Variants in CD52 observed in about 807,000 individuals in gnomAD.
CD52 encodes the protein CD52 molecule.
In CD52, 2 loss-of-function variants were observed where a neutral mutation model predicts 2.5. The observed-to-expected ratio is 0.79, with a 90% CI of 0.32 to 2.48. The LOEUF is 2.48. Among genes scored for constraint, CD52 ranks in the 30% most tolerant of loss-of-function variants. CD52 has a pLI of 0.11. For missense variants in CD52, 62 were observed against 75.8 expected (o/e 0.82, Z 0.68); for synonymous variants, 24 against 27.7 (o/e 0.87, Z 0.42).
At position 26,318,074 on chromosome 1, in the gene CD52, A is replaced by G. The variant is rs1357675521; in HGVS notation, c.54+3A>G. The G allele has an allele frequency of 6.2e-7, 1 of 1,613,894 alleles. No homozygotes were observed. ...TCAGCCTCCTGGTTATGGTACAGGT[A>G]AGAGCAACGCCTGGCACCACTGCCA... On this transcript the variant is annotated splice_donor_region_variant and intron_variant, in intron 1 of 1. Transcript: ENST00000374213.
chr1:26,318,623 G>A (rs2124684810), intron 1 of CD52: 1 of 153,214 alleles, frequency 6.5e-6, no homozygotes, highest in South Asian at 2.0e-4. Flanking sequence ...CCAGGAGGCA[G>A]CTTTGGTAGC....
At chr1:26,318,138 C>G (rs2073817589) in intron 1 of CD52, 67 bp downstream of exon 1, 4 of 1,345,104 alleles carry the variant, frequency 3.0e-6, no homozygotes, top group Non-Finnish European at 4.3e-6. Flanking sequence ...GGAGGGCATA[C>G]AGGATGTGAG....
chr1:26,319,711 G>A (rs1038699779), intron 1 of CD52, among the ~76,000 whole-genome samples: 1 of 152,092 alleles, frequency 6.6e-6, no homozygotes, highest in Non-Finnish European at 1.5e-5. Flanking sequence ...AGGACCTTGT[G>A]GAAGAAGTAG....
rs1228140935 is a variant in CD52 at position 26,320,445 on chromosome 1, C to G, written c.*143C>G. The G allele has an allele frequency of 9.2e-7, 1 of 1,089,324 alleles. No homozygotes were observed. The allele number at this position is 1,089,324 out of a possible 1,614,324, so 67.5% of individuals were successfully genotyped here. ...TTGACAGGCAGTGCCATGGGGGCAA[C>G]AGCCAAAATAGGGGGGTAATGATGT... On this transcript the variant is annotated 3_prime_UTR_variant, in exon 2 of 2. Transcript: ENST00000374213.
rs1008898586 is a variant in CD52, at chr1:26,320,491, C to G, written c.*189C>G. 1.5e-6 allele frequency: 1 copy of G among 656,136 alleles called. No individual in the cohort carries two copies. The highest frequency in any genetic ancestry group is 2.5e-6 in the Non-Finnish European group (1 of 402,792). The allele number at this position is 656,136 out of a possible 1,614,324, so 40.6% of individuals were successfully genotyped here. A position where few individuals can be genotyped will look rare whatever the true frequency, so the allele number is the denominator to read the frequency against. ...GATGTAGGGGCCAAGCAGTGCCCAGCTGGGGGTCAATAAAGTTACCCTTGT... is the reference window on the plus strand; with the variant it reads ...GATGTAGGGGCCAAGCAGTGCCCAGGTGGGGGTCAATAAAGTTACCCTTGT... On this transcript the variant is annotated 3_prime_UTR_variant, in exon 2 of 2. Transcript: ENST00000374213.
In CD52 at chr1:26,320,455, A is replaced by AG. The variant is rs1570157016; in HGVS notation, c.*159dup. On this transcript the variant is annotated 3_prime_UTR_variant, in exon 2 of 2. Coordinates refer to ENST00000374213, the MANE Select transcript of CD52 (RefSeq NM_001803.3). Reference sequence around the variant, plus strand: ...GTGCCATGGGGGCAACAGCCAAAATAGGGGGGTAATGATGTAGGGGCCAAG... The same window carrying AG: ...GTGCCATGGGGGCAACAGCCAAAATAGGGGGGGTAATGATGTAGGGGCCAAG... 1.0e-6 allele frequency: 1 copy of AG among 966,678 alleles called. No individual in the cohort carries two copies. The highest frequency in any genetic ancestry group is 2.6e-5 in the Admixed American group (1 of 37,770). The allele number at this position is 966,678 out of a possible 1,614,324, so 59.9% of individuals were successfully genotyped here.
At chr1:26,319,188 C>A (rs1030231644) in intron 1 of CD52, among the ~76,000 whole-genome samples, 3 of 152,060 alleles carry the variant, frequency 2.0e-5, no homozygotes, top group African/African-American at 7.2e-5. Context: ...CGCGCTGGCT[C>A]GCGTCTGTAA....
chr1:26,319,555 G>A (rs2073831832), intron 1 of CD52, among the ~76,000 whole-genome samples: 1 of 151,902 alleles, frequency 6.6e-6, no homozygotes, highest in Non-Finnish European at 1.5e-5. Flanking sequence ...AGTGACCCGA[G>A]ATCATGCCAC....
At chr1:26,318,434 T>C (rs1199781902) in intron 1 of CD52, 5 of 208,746 alleles carry the variant, frequency 2.4e-5, no homozygotes, top group Admixed American at 2.1e-4. Flanking sequence ...TCTGGGGAGA[T>C]GGTCCTTTGG....
intron 1 of CD52, among the ~76,000 whole-genome samples, chr1:26,319,175 G>A (rs11247910): frequency 0.16 from 24,346 of 151,996 alleles, 2,038 homozygotes; most frequent in Middle Eastern, 0.21. Flanking sequence ...TGGGCGAGCC[G>A]GGCGCGCTGG....
Position 26,320,457 on chromosome 1 carries a change from G to C in CD52, c.*155G>C. The C allele has an allele frequency of 1.0e-6, 1 of 954,864 alleles. No individual in the cohort carries two copies. The highest frequency in any genetic ancestry group is 2.5e-5 in the East Asian group (1 of 39,398). 59.1% of individuals were successfully genotyped at this position (954,864 alleles called of 1,614,324 possible). The stretch of plus-strand genomic sequence containing the variant: ...GCCATGGGGGCAACAGCCAAAATAG[G>C]GGGGTAATGATGTAGGGGCCAAGCA... On this transcript the variant is annotated 3_prime_UTR_variant, in exon 2 of 2. Coordinates refer to ENST00000374213, the MANE Select transcript of CD52 (RefSeq NM_001803.3).
rs2073842739 is a variant in CD52, at chr1:26,320,468, T to C, written c.*166T>C. Reference sequence around the variant, plus strand: ...AACAGCCAAAATAGGGGGGTAATGATGTAGGGGCCAAGCAGTGCCCAGCTG... The same window carrying C: ...AACAGCCAAAATAGGGGGGTAATGACGTAGGGGCCAAGCAGTGCCCAGCTG... On this transcript the variant is annotated 3_prime_UTR_variant, in exon 2 of 2. Transcript: ENST00000374213. The C allele has an allele frequency of 3.6e-6, 3 of 826,010 alleles. No homozygotes were observed. Among genetic ancestry groups the C allele is most frequent in the Admixed American group, 2.8e-5 (1 of 35,094 alleles). 51.2% of individuals were successfully genotyped at this position (826,010 alleles called of 1,614,324 possible). A position where few individuals can be genotyped will look rare whatever the true frequency, so the allele number is the denominator to read the frequency against.
In CD52 at chr1:26,320,310, C is replaced by T. The variant is rs763003427; in HGVS notation, c.*8C>T. The T allele has an allele frequency of 8.7e-6, 14 of 1,609,342 alleles. No individual in the cohort carries two copies. The highest frequency in any genetic ancestry group is 4.0e-5 in the African/African-American group (3 of 74,410). ...CTCTTCTGCTTCAGTTGAGGTGACA[C>T]GTCTCAGCCTTAGCCCTGTGCCCCC... On this transcript the variant is annotated 3_prime_UTR_variant, in exon 2 of 2. Coordinates refer to ENST00000374213, the MANE Select transcript of CD52 (RefSeq NM_001803.3).
chr1:26,319,151 A>G (rs1323704072), intron 1 of CD52, among the ~76,000 whole-genome samples: 2 of 152,198 alleles, frequency 1.3e-5, no homozygotes, highest in African/African-American at 2.4e-5. Flanking sequence ...TCTACTAAAA[A>G]TACAAAAATT....
intron 1 of CD52, 49 bp from the exon 2 acceptor site, chr1:26,320,122 A>T (rs757244037): frequency 2.7e-6 from 2 of 743,254 alleles, no homozygotes; most frequent in Admixed American, 3.9e-5. Flanking sequence ...TCCACCTCTA[A>T]AAAAAAAAAA....
At chr1:26,318,183 A>G (rs1215766553) in intron 1 of CD52, 112 bp downstream of exon 1, 3 of 893,720 alleles carry the variant, frequency 3.4e-6, no homozygotes, top group Non-Finnish European at 5.5e-6. Flanking sequence ...CTGAGAGCAC[A>G]GCAGATGGAC....
chr1:26,319,452 G>C (rs1259944807), intron 1 of CD52, among the ~76,000 whole-genome samples: 2 of 128,116 alleles, frequency 1.6e-5, no homozygotes, highest in Non-Finnish European at 3.3e-5. Context: ...GACAGAGCAA[G>C]ACTCTGTCTC....
At position 26,317,964 on chromosome 1, in the gene CD52, C is replaced by T; in HGVS notation, c.-54C>T. ...TAAACCAAAAGAAGCCTCCAGACAG[C>T]CCTGAGATCACCTAAAAAGCTGCTA... On this transcript the variant is annotated 5_prime_UTR_variant, in exon 1 of 2. Coordinates refer to ENST00000374213, the MANE Select transcript of CD52 (RefSeq NM_001803.3). The T allele has an allele frequency of 5.9e-6, 9 of 1,532,198 alleles. No individual in the cohort carries two copies. Among genetic ancestry groups the T allele is most frequent in the Non-Finnish European group, 8.1e-6 (9 of 1,105,490 alleles). 94.9% of individuals were successfully genotyped at this position (1,532,198 alleles called of 1,614,324 possible).
chr1:26,318,152 C>T, intron 1 of CD52, 81 bp downstream of exon 1: 2 of 1,163,804 alleles, frequency 1.7e-6, no homozygotes, highest in Non-Finnish European at 1.3e-6. Flanking sequence ...ATGTGAGCTC[C>T]CAGAGACCCA....
Sources: allele counts gnomAD v4.1 joint callset (sites outside exome capture counted in the v4.1 genomes callset), GRCh38; gene constraint gnomAD v4.1.1; transcripts MANE v1.5; gene names NCBI Gene and HGNC (gene_info 2026-07-23, HGNC 2026-07-21).